UPF2: variants seen among roughly 807,000 people sequenced by gnomAD.
UPF2 encodes regulator of nonsense transcripts 2.
Under a neutral mutation model 141.4 loss-of-function variants are expected in UPF2, and 17 were observed. That is an observed-to-expected ratio of 0.12 (90% CI 0.08 to 0.18). The LOEUF is 0.18. UPF2 is among the 10% of genes least tolerant of loss of function. The pLI is 1.00. For missense variants in UPF2, 1,152 were observed against 1,515.9 expected, an observed-to-expected ratio of 0.76 and a Z score of 3.99; for synonymous variants, 540 against 498.0, an observed-to-expected ratio of 1.08 and a Z score of -1.12.
chr10:11,964,483 T>C (rs1160082242), intron 10 of UPF2, among the ~76,000 whole-genome samples: 1 of 152,202 alleles, frequency 6.6e-6, no homozygotes, highest in African/African-American at 2.4e-5. Context: ...AAAAGTATTA[T>C]TTGCTCATTA....
intron 2 of UPF2, 38 bp from the exon 3 acceptor site, chr10:12,029,562 C>T (rs1422069082): frequency 6.6e-7 from 1 of 1,526,260 alleles, no homozygotes; most frequent in Admixed American, 2.2e-5. Context: ...ATACTCTCTA[C>T]ATTTTGAAGC....
chr10:11,948,197 G>A (rs1375242749), intron 16 of UPF2, among the ~76,000 whole-genome samples, 172 bp downstream of exon 16: 5 of 139,208 alleles, frequency 3.6e-5, no homozygotes, highest in East Asian at 2.2e-4. Flanking sequence ...GCAGTGAGCC[G>A]AGATTGTGCC....
At chr10:12,023,348 C>A (rs1564370157) in intron 3 of UPF2, among the ~76,000 whole-genome samples, 1 of 151,868 alleles carries the variant, frequency 6.6e-6, no homozygotes, top group African/African-American at 2.4e-5. Context: ...TTATAACTCA[C>A]CAGGTCAATC....
intron 4 of UPF2, among the ~76,000 whole-genome samples, chr10:12,012,032 A>AG (rs750212170): frequency 1.4e-4 from 22 of 152,170 alleles, no homozygotes; most frequent in Admixed American, 1.3e-3. Flanking sequence ...ATTAGAGAAA[A>AG]GGGGTAAAGA....
At chr10:12,032,302 AAAAAAAAAAGAAAG>A (rs1400166108) in intron 2 of UPF2, among the ~76,000 whole-genome samples, 1 of 150,228 alleles carries the variant, frequency 6.7e-6, no homozygotes, top group African/African-American at 2.4e-5. Flanking sequence ...TGTCTCAAAA[AAAAAAAAAAGAAAG>A]AAAAGAAAAG....
rs375002070 is a variant in UPF2, at chr10:12,035,086, T to C, written c.338A>G (p.Gln113Arg). The stretch of plus-strand genomic sequence containing the variant: ...CATCTGAGCAGCTGCTTCTTCTTCT[T>C]GCTGACGTTTGGCCTGCTCTTCTTG... ...KKQEEQAKRQ[Q>R]EEEAAAQMKE... Residue 113 changes from glutamine to arginine, a missense_variant, in exon 2 of 22, where the codon CAA becomes CGA. Physicochemically the swap from Gln to Arg is conservative, Grantham distance 43. Coordinates refer to ENST00000357604, the MANE Select transcript of UPF2 (RefSeq NM_015542.4). 84 of 1,573,122 alleles carry C rather than the reference T, an allele frequency of 5.3e-5. No individual in the cohort carries two copies. The highest frequency in any genetic ancestry group is 3.6e-4 in the Admixed American group (17 of 47,416).
At chr10:11,965,995 G>A (rs1231815269) in intron 10 of UPF2, among the ~76,000 whole-genome samples, 1 of 152,120 alleles carries the variant, frequency 6.6e-6, no homozygotes, top group African/African-American at 2.4e-5. Context: ...TTCTCCACCA[G>A]CTTTACCACA....
At chr10:11,948,125 G>A (rs1588532142) in intron 16 of UPF2, among the ~76,000 whole-genome samples, 1 of 151,676 alleles carries the variant, frequency 6.6e-6, no homozygotes, top group South Asian at 2.1e-4. Flanking sequence ...GCGAGTGCTT[G>A]TTATCTCAGC....
At chr10:12,011,949 A>C (rs963117007) in intron 4 of UPF2, among the ~76,000 whole-genome samples, 3 of 151,712 alleles carry the variant, frequency 2.0e-5, no homozygotes, top group Non-Finnish European at 4.4e-5. Context: ...CTGTCTCAAA[A>C]ATAATAATAA....
intron 3 of UPF2, among the ~76,000 whole-genome samples, chr10:12,024,768 T>TA (rs968705460): frequency 7.3e-5 from 11 of 151,208 alleles, no homozygotes; most frequent in Non-Finnish European, 1.3e-4. Context: ...TCCCTCTCTA[T>TA]AAAAAAATTT....
At chr10:11,943,731 G>C (rs1255314267) in intron 16 of UPF2, among the ~76,000 whole-genome samples, 6 of 152,072 alleles carry the variant, frequency 3.9e-5, no homozygotes, top group African/African-American at 1.4e-4. Flanking sequence ...AAAGTTAAGT[G>C]ATCTGCCCAA....
At chr10:11,938,981 T>A (rs1318481774) in intron 18 of UPF2, among the ~76,000 whole-genome samples, 1 of 148,430 alleles carries the variant, frequency 6.7e-6, no homozygotes, top group Non-Finnish European at 1.5e-5. Flanking sequence ...CAAGCGATTA[T>A]CCTGTCTCAG....
chr10:11,944,994 A>C (rs949601947), intron 16 of UPF2, among the ~76,000 whole-genome samples: 1 of 152,256 alleles, frequency 6.6e-6, no homozygotes, highest in Admixed American at 6.5e-5. Flanking sequence ...ACCTACTGCA[A>C]GGGTAGTATG....
At chr10:11,981,237 T>C (rs1833588150) in intron 8 of UPF2, among the ~76,000 whole-genome samples, 1 of 152,168 alleles carries the variant, frequency 6.6e-6, no homozygotes, top group South Asian at 2.1e-4. Flanking sequence ...AATTCATACC[T>C]AAAAGCCTCA....
intron 9 of UPF2, among the ~76,000 whole-genome samples, chr10:11,969,108 C>T (rs113685531): frequency 1.3e-4 from 20 of 151,780 alleles, no homozygotes; most frequent in African/African-American, 4.1e-4. Flanking sequence ...GTGATCCATC[C>T]GCCTAGGCTT....
intron 19 of UPF2, among the ~76,000 whole-genome samples, chr10:11,932,834 C>A (rs1832799054): frequency 6.6e-6 from 1 of 152,110 alleles, no homozygotes; most frequent in African/African-American, 2.4e-5. Context: ...GTTACTATGA[C>A]ATGTAACTAT....
At chr10:12,023,393 G>A (rs557764680) in intron 3 of UPF2, among the ~76,000 whole-genome samples, 4 of 151,674 alleles carry the variant, frequency 2.6e-5, no homozygotes, top group African/African-American at 9.7e-5. Flanking sequence ...AATAATATTC[G>A]GCTGGGCATG....
intron 3 of UPF2, among the ~76,000 whole-genome samples, chr10:12,021,701 T>C (rs1398871728): frequency 6.6e-6 from 1 of 152,170 alleles, no homozygotes; most frequent in Non-Finnish European, 1.5e-5. Flanking sequence ...CATTTTAACT[T>C]TGCCCTTGTG....
intron 21 of UPF2, among the ~76,000 whole-genome samples, chr10:11,925,716 G>A (rs1345756463): frequency 6.6e-6 from 1 of 152,248 alleles, no homozygotes; most frequent in African/African-American, 2.4e-5. Context: ...GAAGGAGCAG[G>A]AGTTCTCCAG....
Sources: allele counts gnomAD v4.1 joint callset (sites outside exome capture counted in the v4.1 genomes callset), GRCh38; gene constraint gnomAD v4.1.1; transcripts MANE v1.5; gene names NCBI Gene and HGNC (gene_info 2026-07-23, HGNC 2026-07-21).